Variants in SECISBP2 observed in about 807,000 individuals in gnomAD.
The protein encoded by SECISBP2 is selenocysteine insertion sequence-binding protein 2.
SECISBP2 carries 96 observed loss-of-function variants against 98.2 expected under a neutral mutation model. That is an observed-to-expected ratio of 0.98 (90% confidence interval 0.83 to 1.16). The LOEUF (loss-of-function observed/expected upper bound fraction) is 1.16. SECISBP2 is among the 50% of genes most tolerant of loss of function. The pLI is 0.00. For synonymous variants in SECISBP2, 407 were observed against 370.2 expected, an observed-to-expected ratio of 1.10 and a Z score of -1.14; for missense variants, 1,046 against 1,022.9, an observed-to-expected ratio of 1.02 and a Z score of -0.31.
intron 1 of SECISBP2, 178 bp downstream of exon 1, chr9:89,318,790 G>T: frequency 8.0e-7 from 1 of 1,255,602 alleles, no homozygotes; most frequent in South Asian, 2.2e-5. Flanking sequence ...TCCGCCTTGG[G>T]GTGGCGGTCA....
At position 89,359,333 on chromosome 9, in the gene SECISBP2, C is replaced by G. The variant is rs1832573091; in HGVS notation, c.*509C>G. The G allele has an allele frequency of 6.4e-6, 1 of 156,722 alleles. No homozygotes were observed. The highest frequency in any genetic ancestry group is 2.4e-5 in the African/African-American group (1 of 41,444). The allele number at this position is 156,722 out of a possible 1,614,324, so 9.7% of individuals were successfully genotyped here. A position where few individuals can be genotyped will look rare whatever the true frequency, so the allele number is the denominator to read the frequency against. On this transcript the variant is annotated 3_prime_UTR_variant, in exon 17 of 17. Coordinates refer to ENST00000375807, the MANE Select transcript of SECISBP2 (RefSeq NM_024077.5). ...GAGGGCTACAGGGAAAGGGCCCTTTCTCAGGGGATGTAGCTTTTTTAAAAG... is the reference window on the plus strand; with the variant it reads ...GAGGGCTACAGGGAAAGGGCCCTTTGTCAGGGGATGTAGCTTTTTTAAAAG...
intron 5 of SECISBP2, chr9:89,330,257 T>C (rs1827525514): frequency 6.6e-6 from 1 of 152,260 alleles, no homozygotes; most frequent in Non-Finnish European, 1.5e-5. Flanking sequence ...TAATTCACTT[T>C]GTTCAACATT....
At chr9:89,339,791 A>G (rs117480208) in intron 8 of SECISBP2, 73 bp from the exon 9 acceptor site, 19,790 of 1,061,020 alleles carry the variant, frequency 0.019, 232 homozygotes, top group Non-Finnish European at 0.023. Context: ...GAATGAAAAT[A>G]TAAGCAAGGA....
intron 7 of SECISBP2, among the ~76,000 whole-genome samples, chr9:89,336,636 A>G (rs961960531): frequency 4.6e-5 from 7 of 151,016 alleles, no homozygotes; most frequent in African/African-American, 1.7e-4. Flanking sequence ...GAGAGAGAGC[A>G]GTATGTGTAA....
intron 14 of SECISBP2, among the ~76,000 whole-genome samples, chr9:89,355,846 C>T (rs1564448764): frequency 1.3e-5 from 2 of 152,220 alleles, no homozygotes; most frequent in Non-Finnish European, 2.9e-5. Context: ...AAATGCTGTT[C>T]CTCACATGCT....
At chr9:89,329,055 C>G (rs1179998464) in intron 5 of SECISBP2, 169 bp downstream of exon 5, 2 of 627,328 alleles carry the variant, frequency 3.2e-6, no homozygotes, top group Non-Finnish European at 5.6e-6. Context: ...TTTGTTTGAA[C>G]AGTTTATAAT....
Position 89,358,736 on chromosome 9 carries a change from AACATC to A in SECISBP2, c.2478_2482del (p.Lys826AsnfsTer59). On this transcript the variant is annotated frameshift_variant, in exon 17 of 17. Transcript: ENST00000375807. LOFTEE classifies it high-confidence loss of function. ...CTCATTTTAGTTGAAATCTGGAAAAAACATCTGGAAGCATACAGTGGATGTACCCT... is the reference window on the plus strand; with the variant it reads ...CTCATTTTAGTTGAAATCTGGAAAAATGGAAGCATACAGTGGATGTACCCT... 6.2e-7 allele frequency: 1 copy of A among 1,613,130 alleles called. No homozygotes were observed. Among genetic ancestry groups the A allele is most frequent in the South Asian group, 1.1e-5 (1 of 91,066 alleles).
chr9:89,341,877 A>C (rs892556711), intron 10 of SECISBP2, among the ~76,000 whole-genome samples: 4 of 152,236 alleles, frequency 2.6e-5, no homozygotes, highest in Non-Finnish European at 5.9e-5. Context: ...AATCTTCATG[A>C]TCTTTTATTA....
downstream of SECISBP2, chr9:89,363,645 G>A (rs1015633275): frequency 1.2e-5 from 19 of 1,591,016 alleles, no homozygotes; most frequent in East Asian, 6.7e-5. Flanking sequence ...GAATGCCACC[G>A]TGCAAGCATG....
At chr9:89,337,649 T>C (rs1234541119) in intron 7 of SECISBP2, among the ~76,000 whole-genome samples, 2 of 152,238 alleles carry the variant, frequency 1.3e-5, no homozygotes, top group Non-Finnish European at 2.9e-5. Flanking sequence ...GGTCAGTAGA[T>C]AAGCATATTC....
intron 13 of SECISBP2, 64 bp downstream of exon 13, chr9:89,349,993 T>C: frequency 6.3e-7 from 1 of 1,576,502 alleles, no homozygotes; most frequent in Non-Finnish European, 8.7e-7. Flanking sequence ...CAGTATGGCA[T>C]TGATATCTCC....
chr9:89,353,567 C>A (rs1287911290), intron 14 of SECISBP2, among the ~76,000 whole-genome samples: 1 of 152,184 alleles, frequency 6.6e-6, no homozygotes, highest in African/African-American at 2.4e-5. Flanking sequence ...CTATTCCCGA[C>A]CTTTGGGGGA....
At chr9:89,354,432 C>G (rs896507094) in intron 14 of SECISBP2, among the ~76,000 whole-genome samples, 1 of 152,194 alleles carries the variant, frequency 6.6e-6, no homozygotes, top group Non-Finnish European at 1.5e-5. Context: ...ATAGGAGACT[C>G]TTAATATCCC....
At chr9:89,355,815 A>G (rs1257626398) in intron 14 of SECISBP2, among the ~76,000 whole-genome samples, 1 of 152,094 alleles carries the variant, frequency 6.6e-6, no homozygotes, top group Non-Finnish European at 1.5e-5. Flanking sequence ...GTCCTCTAGG[A>G]TCTTCTCCCT....
chr9:89,325,755 A>G lies in SECISBP2; in HGVS notation c.432+79A>G, dbSNP rs906795197. 5.0e-6 allele frequency: 8 copies of G among 1,598,514 alleles called. No individual in the cohort carries two copies. The African/African-American group carries it at 5.4e-5, about 11-fold the overall frequency. On this transcript the variant is annotated intron_variant, in intron 3 of 16. Transcript: ENST00000375807. ...AAATGTAAAGAAATGGTAAATTTGT[A>G]CATCATATTTAAGTATCATGTATTT...
At chr9:89,334,430 A>C (rs2131721440) in intron 6 of SECISBP2, 92 bp from the exon 7 acceptor site, 1 of 1,017,464 alleles carries the variant, frequency 9.8e-7, no homozygotes, top group Non-Finnish European at 1.5e-6. Flanking sequence ...TGATGCTCTG[A>C]GCAGTTACCT....
In SECISBP2 at chr9:89,325,453, C is replaced by A. The variant is rs1826525498; in HGVS notation, c.209C>A (p.Ala70Asp). 4.3e-6 allele frequency: 7 copies of A among 1,613,922 alleles called. No homozygotes were observed. The highest frequency in any genetic ancestry group is 5.9e-6 in the Non-Finnish European group (7 of 1,179,844). The part of the protein sequence containing the change: ...TEQKIYTEDM[A>D]FGASTFPPQY... ...CAGAAAATATATACTGAAGACATGGCCTTTGGAGCTTCAACTTTTCCACCT... is the reference window on the plus strand; with the variant it reads ...CAGAAAATATATACTGAAGACATGGACTTTGGAGCTTCAACTTTTCCACCT... The change falls in exon 3 of 17, where the codon GCC becomes GAC. Residue 70 changes from alanine (A) to aspartate (D), a missense_variant. Physicochemically the swap from Ala to Asp is moderately radical, Grantham distance 126. Coordinates refer to ENST00000375807, the MANE Select transcript of SECISBP2 (RefSeq NM_024077.5).
intron 11 of SECISBP2, among the ~76,000 whole-genome samples, chr9:89,347,526 G>A (rs1416552580): frequency 7.0e-6 from 1 of 143,348 alleles, no homozygotes; most frequent in Admixed American, 7.4e-5. Context: ...AGGCTGGAGT[G>A]CAATAGAGCG....
At chr9:89,357,879 T>G in intron 15 of SECISBP2, 120 bp from the exon 16 acceptor site, 6 of 1,133,930 alleles carry the variant, frequency 5.3e-6, no homozygotes, top group Non-Finnish European at 6.6e-6. Flanking sequence ...CCCATAAGCA[T>G]GAGGTCCACA....
Sources: gnomAD v4.1 joint callset for allele counts (sites outside exome capture counted in the v4.1 genomes callset) on GRCh38, gnomAD v4.1.1 for gene constraint, MANE v1.5 for transcripts, NCBI Gene and HGNC (gene_info 2026-07-23, HGNC 2026-07-21) for gene names.